The following NBPF8 variants were observed in gnomAD, a reference collection of about 807,000 sequenced individuals.
NBPF8 encodes the protein NBPF member 8, also known as NBPF family member NBPF8.
upstream of NBPF8, among the ~76,000 whole-genome samples, chr1:120,417,785 G>A (rs1289337720): frequency 2.8e-5 from 4 of 144,584 alleles, no homozygotes; most frequent in Non-Finnish European, 6.0e-5. Context: ...ATTTTTTGTA[G>A]AGATGGGGAT....
At chr1:120,460,016 T>G (rs1158409971) in intron 17 of NBPF8, among the ~76,000 whole-genome samples, 4 of 152,110 alleles carry the variant, frequency 2.6e-5, no homozygotes, top group Non-Finnish European at 5.9e-5. Context: ...CCATTTTCTG[T>G]GTCTTCTAAG....
chr1:120,463,827 A>C, intron 22 of NBPF8, 100 bp downstream of exon 20: 1 of 150,088 alleles, frequency 6.7e-6, no homozygotes, highest in South Asian at 3.6e-5. Flanking sequence ...ACATCTTTTC[A>C]ACCAAGCCTG....
intron 7 of NBPF8, chr1:120,445,734 C>G: frequency 4.2e-6 from 1 of 238,358 alleles, no homozygotes; most frequent in South Asian, 2.4e-5. Context: ...TTGAAGGTCT[C>G]CTTGTGAACA....
At chr1:120,453,012 T>G (rs3882060) in intron 13 of NBPF8, among the ~76,000 whole-genome samples, 2 of 150,458 alleles carry the variant, frequency 1.3e-5, no homozygotes, top group Non-Finnish European at 3.0e-5. Context: ...GAGAAAGAAT[T>G]AGGTTTGAAA....
intron 23 of NBPF8, among the ~76,000 whole-genome samples, chr1:120,464,829 T>C (rs1456221296): frequency 7.1e-6 from 1 of 140,346 alleles, no homozygotes; most frequent in East Asian, 2.1e-4. Flanking sequence ...TTCAGAGAAC[T>C]ATGATTTTGA....
chr1:120,422,290 C>CT (rs1412277378), intron 1 of NBPF8, among the ~76,000 whole-genome samples: 1 of 151,116 alleles, frequency 6.6e-6, no homozygotes, highest in Non-Finnish European at 1.5e-5. Context: ...TTGAGTTTCA[C>CT]AGATTATGGG....
chr1:120,467,620 C>T (rs1473220482), exon 25 of NBPF8: 25 of 140,940 alleles, frequency 1.8e-4, no homozygotes, highest in African/African-American at 6.2e-4. Context: ...TCAATTTTTA[C>T]TGTGCCTTTG....
chr1:120,454,045 A>T (rs1661363287), exon 15 of NBPF8: 7 of 1,613,084 alleles, frequency 4.3e-6, no homozygotes, highest in Non-Finnish European at 5.1e-6. Context: ...TGAGGAAGAC[A>T]AAGTCGACTC....
intron 11 of NBPF8, among the ~76,000 whole-genome samples, 158 bp downstream of exon 9, chr1:120,449,560 A>G (rs1336262810): frequency 9.2e-5 from 14 of 152,108 alleles, no homozygotes; most frequent in Non-Finnish European, 1.8e-4. Flanking sequence ...GTTGGAAGAC[A>G]GAGGTACCAA....
upstream of NBPF8, among the ~76,000 whole-genome samples, chr1:120,415,273 G>A (rs1285998863): frequency 4.6e-5 from 7 of 152,326 alleles, no homozygotes; most frequent in East Asian, 1.9e-4. Flanking sequence ...CAGCGTTTCC[G>A]AGGTGAAGGC....
intron 1 of NBPF8, among the ~76,000 whole-genome samples, chr1:120,421,499 C>G (rs1279721169): frequency 2.7e-5 from 4 of 150,466 alleles, no homozygotes; most frequent in Non-Finnish European, 5.9e-5. Context: ...TGCCTTCCTC[C>G]CTCCCTCCCT....
exon 1 of NBPF8, chr1:120,436,615 C>T (rs1553247807): frequency 6.2e-7 from 1 of 1,601,976 alleles, no homozygotes; most frequent in Non-Finnish European, 8.5e-7. Flanking sequence ...TGGCAGAGAA[C>T]AAACAGCAGT....
upstream of NBPF8, among the ~76,000 whole-genome samples, chr1:120,416,772 C>A (rs4649699): frequency 6.6e-6 from 1 of 151,920 alleles, no homozygotes; most frequent in African/African-American, 2.4e-5. Flanking sequence ...TATTGTTGAA[C>A]GTTTTCCCAA....
At chr1:120,422,176 C>T (rs1448971531) in intron 1 of NBPF8, among the ~76,000 whole-genome samples, 3 of 152,186 alleles carry the variant, frequency 2.0e-5, no homozygotes, top group Admixed American at 2.0e-4. Flanking sequence ...ACAGTTTCCC[C>T]TATTAGTATG....
upstream of NBPF8, chr1:120,433,950 T>G (rs1297842777): frequency 6.2e-6 from 1 of 161,512 alleles, no homozygotes; most frequent in Non-Finnish European, 1.4e-5. Flanking sequence ...TGGCGTGATG[T>G]TGAGGAAGGT....
chr1:120,457,168 G>T (rs1486254685), intron 16 of NBPF8, among the ~76,000 whole-genome samples: 2 of 150,804 alleles, frequency 1.3e-5, no homozygotes, highest in African/African-American at 4.9e-5. Flanking sequence ...GGAAGGCAGT[G>T]TGGCAATTCC....
chr1:120,436,517 G>A lies in NBPF8; in HGVS notation n.165G>A, dbSNP rs199971344. On this transcript the variant is annotated non_coding_transcript_exon_variant, in exon 1 of 25. Transcript: ENST00000583271. ...TGACTCCACCTCTTCTGCCACAAAC[G>A]TCAGCATGGTGGTATCAGCCGGCCC... is the stretch of plus-strand genomic sequence containing the variant. 1,044 of 1,517,148 alleles carry A rather than the reference G, an allele frequency of 6.9e-4. 1 individual carries two copies. The Middle Eastern group carries it at 0.011, about 16-fold the overall frequency. The allele number at this position is 1,517,148 out of a possible 1,614,324, so 94.0% of individuals were successfully genotyped here. A position where few individuals can be genotyped will look rare whatever the true frequency, so the allele number is the denominator to read the frequency against.
At chr1:120,426,873 A>C (rs1427944746) in intron 2 of NBPF8, among the ~76,000 whole-genome samples, 12 of 149,680 alleles carry the variant, frequency 8.0e-5, no homozygotes, top group African/African-American at 2.9e-4. Flanking sequence ...GGGATAAAGA[A>C]GTCACTAACC....
upstream of NBPF8, among the ~76,000 whole-genome samples, chr1:120,434,730 A>G (rs1427735034): frequency 2.8e-5 from 4 of 142,034 alleles, no homozygotes; most frequent in African/African-American, 8.0e-5. Context: ...AATATTAACC[A>G]CTCTCCATCA....
Sources: gnomAD v4.1 joint callset for allele counts (sites outside exome capture counted in the v4.1 genomes callset) on GRCh38, gnomAD v4.1.1 for gene constraint, MANE v1.5 for transcripts, NCBI Gene and HGNC (gene_info 2026-07-23, HGNC 2026-07-21) for gene names.